The following ADGRA2 variants were observed in gnomAD, a reference collection of about 807,000 sequenced individuals.
ADGRA2 encodes G-protein coupled receptor 124.
ADGRA2 carries 61 observed loss-of-function variants against 98.7 expected under a neutral mutation model. The observed-to-expected ratio is 0.62, with a 90% CI of 0.50 to 0.76. The LOEUF (loss-of-function observed/expected upper bound fraction) is 0.76. Ranked by LOEUF, ADGRA2 falls within the 30% of genes least tolerant of loss-of-function variation. ADGRA2 has a pLI of 0.00. For missense variants in ADGRA2, 1,712 were observed against 1,860.0 expected, an observed-to-expected ratio of 0.92 and a Z score of 1.46; for synonymous variants, 858 against 831.5, an observed-to-expected ratio of 1.03 and a Z score of -0.55.
At chr8:37,806,513 C>CTTTTTTTT (rs1246419562) in intron 1 of ADGRA2, among the ~76,000 whole-genome samples, 4 of 103,174 alleles carry the variant, frequency 3.9e-5, no homozygotes, top group East Asian at 2.5e-4. Flanking sequence ...TTTTCTTTTT[C>CTTTTTTTT]TTTTTTCTTT....
At chr8:37,825,175 G>T (rs1038084736) in intron 2 of ADGRA2, among the ~76,000 whole-genome samples, 15 of 152,086 alleles carry the variant, frequency 9.9e-5, no homozygotes, top group Non-Finnish European at 2.1e-4. Flanking sequence ...ATATCTGCGC[G>T]TGCTTCCACA....
Position 37,844,782 on chromosome 8 carries a change from T to C in ADGRA2, c.*2427T>C. On this transcript the variant is annotated 3_prime_UTR_variant, in exon 19 of 19. Coordinates refer to ENST00000412232, the MANE Select transcript of ADGRA2 (RefSeq NM_032777.10). ...CTGTCCCCACCCCGGTGGCTCCTTCTCTCGGGTCTCCACTTCTGCTGTCCC... is the reference window on the plus strand; with the variant it reads ...CTGTCCCCACCCCGGTGGCTCCTTCCCTCGGGTCTCCACTTCTGCTGTCCC... 1 of 1,613,986 alleles carries C rather than the reference T, an allele frequency of 6.2e-7. No individual in the cohort carries two copies. The highest frequency in any genetic ancestry group is 1.1e-5 in the South Asian group (1 of 91,074).
chr8:37,814,764 T>TG lies in ADGRA2; in HGVS notation c.267-127dup. 4.4e-6 allele frequency: 3 copies of TG among 682,958 alleles called. No individual in the cohort carries two copies. Among genetic ancestry groups the TG allele is most frequent in the Non-Finnish European group, 8.1e-6 (3 of 372,360 alleles). The allele number at this position is 682,958 out of a possible 1,614,324, so 42.3% of individuals were successfully genotyped here. A position where few individuals can be genotyped will look rare whatever the true frequency, so the allele number is the denominator to read the frequency against. The stretch of plus-strand genomic sequence containing the variant: ...CCCTGTAATCTCCGGAAGTAGAGGG[T>TG]GGGGGCTGCTGCCTCGCACAACTCC... On this transcript the variant is annotated intron_variant, in intron 1 of 18. Transcript: ENST00000412232. This position sits in a 1 kb window ranked among gnomAD's most constrained non-coding sequence, Gnocchi z 4.3.
chr8:37,815,651 T>C (rs1200490533), intron 2 of ADGRA2, among the ~76,000 whole-genome samples: 2 of 152,202 alleles, frequency 1.3e-5, no homozygotes, highest in African/African-American at 4.8e-5. Flanking sequence ...AATGGGGGGA[T>C]GCAGAAGCCC....
At chr8:37,799,018 G>A (rs1461914931) in intron 1 of ADGRA2, among the ~76,000 whole-genome samples, 1 of 152,188 alleles carries the variant, frequency 6.6e-6, no homozygotes, top group Non-Finnish European at 1.5e-5. Context: ...CTTAGTTCTG[G>A]AGGAGAAAAA....
chr8:37,810,276 T>TGCCC (rs1438470439), intron 1 of ADGRA2, among the ~76,000 whole-genome samples: 3 of 151,382 alleles, frequency 2.0e-5, no homozygotes, highest in Non-Finnish European at 4.4e-5. Context: ...TTTAGGAAGA[T>TGCCC]GAGGCGGGCG....
chr8:37,829,717 G>T, intron 5 of ADGRA2, 134 bp from the exon 6 acceptor site: 1 of 1,016,028 alleles, frequency 9.8e-7, no homozygotes, highest in Non-Finnish European at 1.5e-6. Flanking sequence ...GATGGCCCGG[G>T]GCAGAGATGG....
chr8:37,800,202 C>T (rs901591806), intron 1 of ADGRA2, among the ~76,000 whole-genome samples: 2 of 152,208 alleles, frequency 1.3e-5, no homozygotes, highest in African/African-American at 4.8e-5. Flanking sequence ...ATTACTGTTA[C>T]GCACACATGT....
At chr8:37,832,363 G>T (rs111878738) in intron 8 of ADGRA2, among the ~76,000 whole-genome samples, 2,121 of 151,980 alleles carry the variant, frequency 0.014, 20 homozygotes, top group Non-Finnish European at 0.019. Flanking sequence ...TTTAGACAGG[G>T]TCTTGCTCTT....
chr8:37,804,525 A>T (rs1804604850), intron 1 of ADGRA2, among the ~76,000 whole-genome samples: 1 of 152,254 alleles, frequency 6.6e-6, no homozygotes, highest in African/African-American at 2.4e-5. Flanking sequence ...GGTTGCCGAG[A>T]TACAGAATAG....
intron 2 of ADGRA2, among the ~76,000 whole-genome samples, chr8:37,817,311 A>G (rs892022259): frequency 1.3e-5 from 2 of 152,176 alleles, no homozygotes; most frequent in African/African-American, 4.8e-5. Context: ...TGACAGTGAC[A>G]TTTGCACGCG....
Position 37,834,193 on chromosome 8 carries a change from G to T in ADGRA2, c.1608+65G>T, listed in dbSNP as rs11785789. The T allele has an allele frequency of 3.5e-6, 5 of 1,420,966 alleles. No homozygotes were observed. The highest frequency in any genetic ancestry group is 4.8e-6 in the Non-Finnish European group (5 of 1,045,334). The allele number at this position is 1,420,966 out of a possible 1,614,324, so 88.0% of individuals were successfully genotyped here. Reference sequence around the variant, plus strand: ...AGGAGGGAGGCGCTCCCTCTCAGGCGTGCACCTGCCGTGCCCCAGCTAGCA... The same window carrying T: ...AGGAGGGAGGCGCTCCCTCTCAGGCTTGCACCTGCCGTGCCCCAGCTAGCA... On this transcript the variant is annotated intron_variant, in intron 11 of 18. Coordinates refer to ENST00000412232, the MANE Select transcript of ADGRA2 (RefSeq NM_032777.10). This position sits in a 1 kb window ranked among gnomAD's most constrained non-coding sequence, Gnocchi z 4.2.
chr8:37,799,696 A>C (rs1032794369), intron 1 of ADGRA2, among the ~76,000 whole-genome samples: 10 of 152,032 alleles, frequency 6.6e-5, no homozygotes, highest in Non-Finnish European at 1.0e-4. Flanking sequence ...TCCAATCCCA[A>C]ATCCTCCCAG....
At chr8:37,837,235 C>T (rs1015434125) in intron 13 of ADGRA2, among the ~76,000 whole-genome samples, 2 of 152,202 alleles carry the variant, frequency 1.3e-5, no homozygotes, top group African/African-American at 4.8e-5. Flanking sequence ...TGTCCGCAAC[C>T]GCGTGGGCTG....
intron 1 of ADGRA2, among the ~76,000 whole-genome samples, chr8:37,810,883 G>A (rs374158945): frequency 8.6e-5 from 13 of 151,990 alleles, no homozygotes; most frequent in East Asian, 3.9e-4. Context: ...TTGGGAGGCC[G>A]AGGCGAGTGG....
chr8:37,841,016 A>G lies in ADGRA2; in HGVS notation c.2748-70A>G. 3.5e-6 allele frequency: 5 copies of G among 1,430,790 alleles called. No homozygotes were observed. In the South Asian group the frequency reaches 6.4e-5, roughly 18 times the overall value. 88.6% of individuals were successfully genotyped at this position (1,430,790 alleles called of 1,614,324 possible). On this transcript the variant is annotated intron_variant, in intron 18 of 18. Coordinates refer to ENST00000412232, the MANE Select transcript of ADGRA2 (RefSeq NM_032777.10). This position sits in a 1 kb window ranked among gnomAD's most constrained non-coding sequence, Gnocchi z 5.0. ...GTACTCACCATATCCTGTCTCCCCA[A>G]CCACCCCGGCCCCCAGCCCCACCCC...
At chr8:37,827,117 C>G (rs1326095942) in intron 2 of ADGRA2, among the ~76,000 whole-genome samples, 2 of 152,256 alleles carry the variant, frequency 1.3e-5, no homozygotes, top group Non-Finnish European at 2.9e-5. Context: ...AGACCCAGCA[C>G]AGGGAGGCCC....
intron 7 of ADGRA2, 102 bp downstream of exon 7, chr8:37,831,025 G>A: frequency 1.2e-6 from 1 of 801,058 alleles, no homozygotes; most frequent in Non-Finnish European, 2.0e-6. Context: ...TGTGTTCCCG[G>A]GAGACTGTGC....
chr8:37,842,595 C>A lies in ADGRA2; in HGVS notation c.*240C>A. 1.7e-6 allele frequency: 1 copy of A among 587,280 alleles called. No homozygotes were observed. The highest frequency in any genetic ancestry group is 2.6e-6 in the Non-Finnish European group (1 of 391,614). The allele number at this position is 587,280 out of a possible 1,614,324, so 36.4% of individuals were successfully genotyped here. A position where few individuals can be genotyped will look rare whatever the true frequency, so the allele number is the denominator to read the frequency against. On this transcript the variant is annotated 3_prime_UTR_variant, in exon 19 of 19. Coordinates refer to ENST00000412232, the MANE Select transcript of ADGRA2 (RefSeq NM_032777.10). Reference sequence around the variant, plus strand: ...GCCCGGGGCAGTCTGACTGTCGGTGCCCTCCCAGGAACGGGGAAGGCCTCC... The same window carrying A: ...GCCCGGGGCAGTCTGACTGTCGGTGACCTCCCAGGAACGGGGAAGGCCTCC...
Sources: gnomAD v4.1 joint callset for allele counts (sites outside exome capture counted in the v4.1 genomes callset) on GRCh38, gnomAD v4.1.1 for gene constraint, Gnocchi (gnomAD v3.1) non-coding constraint, MANE v1.5 for transcripts, NCBI Gene and HGNC (gene_info 2026-07-23, HGNC 2026-07-21) for gene names.